ROBO1: variants seen among roughly 807,000 people sequenced by gnomAD.
ROBO1 encodes roundabout guidance receptor 1, also known as roundabout homolog 1.
A neutral mutation model predicts 195.9 loss-of-function variants in ROBO1; 149 were observed. The ratio of observed to expected loss-of-function variants is 0.76; its 90% CI spans 0.67 to 0.87. The LOEUF (loss-of-function observed/expected upper bound fraction) is 0.87, where lower values mean the gene tolerates loss of function less well. ROBO1 is among the 40% of genes least tolerant of loss of function. The probability of loss-of-function intolerance (pLI) is 0.00; values close to 1 mark genes in which losing one functional copy is unlikely to be tolerated. For synonymous variants in ROBO1, 816 were observed against 733.2 expected (o/e 1.11, Z -1.82); for missense variants, 1,933 against 2,068.3 (o/e 0.93, Z 1.27).
At chr3:78,889,996 T>C (rs897650715) in intron 4 of ROBO1, among the ~76,000 whole-genome samples, 2 of 151,996 alleles carry the variant, frequency 1.3e-5, no homozygotes, top group Admixed American at 6.6e-5. Flanking sequence ...GACCTCTCTG[T>C]CTCTATCCCA....
intron 3 of ROBO1, among the ~76,000 whole-genome samples, chr3:79,105,010 T>C (rs58321769): frequency 0.052 from 7,850 of 151,560 alleles, 670 homozygotes; most frequent in African/African-American, 0.18. Context: ...TAAAGACACA[T>C]AAAAAGTAGC....
At chr3:79,486,825 C>T (rs1001345749) in intron 2 of ROBO1, among the ~76,000 whole-genome samples, 5 of 152,164 alleles carry the variant, frequency 3.3e-5, no homozygotes, top group Non-Finnish European at 7.4e-5. Context: ...TGCCCTCTCC[C>T]TATCTGCCCA....
intron 30 of ROBO1, 82 bp downstream of exon 30, chr3:78,600,031 T>A (rs767159147): frequency 8.9e-7 from 1 of 1,127,200 alleles, no homozygotes; most frequent in South Asian, 1.3e-5. Context: ...ACAGTAACAT[T>A]TCTGTACACT....
intron 4 of ROBO1, among the ~76,000 whole-genome samples, chr3:78,885,206 G>C (rs1239633075): frequency 7.9e-5 from 12 of 151,824 alleles, no homozygotes. Context: ...GAAACTAAAT[G>C]ATGAGAATAC....
At chr3:79,669,297 T>G (rs1946564061) in intron 1 of ROBO1, among the ~76,000 whole-genome samples, 1 of 151,806 alleles carries the variant, frequency 6.6e-6, no homozygotes, top group African/African-American at 2.4e-5. Context: ...TATGCCGTGA[T>G]TGTGAGGGCT....
chr3:79,448,392 A>T (rs1575839139), intron 2 of ROBO1, among the ~76,000 whole-genome samples: 1 of 151,952 alleles, frequency 6.6e-6, no homozygotes, highest in East Asian at 1.9e-4. Context: ...TTAAATGTAA[A>T]CTCAGTCTTT....
intron 2 of ROBO1, among the ~76,000 whole-genome samples, chr3:79,127,304 T>C (rs2080234804): frequency 6.6e-6 from 1 of 152,192 alleles, no homozygotes; most frequent in South Asian, 2.1e-4. Context: ...ATCTTGCTCA[T>C]GCAAACTAAC....
At chr3:79,746,548 T>TA (rs1249163524) in intron 1 of ROBO1, among the ~76,000 whole-genome samples, 4 of 152,130 alleles carry the variant, frequency 2.6e-5, no homozygotes, top group African/African-American at 4.8e-5. Context: ...TAACAACAGT[T>TA]ATGTTAGCTC....
At chr3:79,535,199 G>A (rs550797814) in intron 2 of ROBO1, among the ~76,000 whole-genome samples, 3 of 152,170 alleles carry the variant, frequency 2.0e-5, no homozygotes, top group South Asian at 4.1e-4. Flanking sequence ...GGGATACAGC[G>A]GGAATCTAAT....
chr3:79,557,104 T>C (rs1942731018), intron 2 of ROBO1, among the ~76,000 whole-genome samples: 1 of 151,482 alleles, frequency 6.6e-6, no homozygotes, highest in Admixed American at 6.6e-5. Context: ...TTTTAGAGAA[T>C]AAAAGAAGTT....
intron 2 of ROBO1, among the ~76,000 whole-genome samples, chr3:79,336,619 C>T (rs921153359): frequency 3.3e-5 from 5 of 152,172 alleles, no homozygotes; most frequent in African/African-American, 1.2e-4. Flanking sequence ...TGAACCTCTG[C>T]TAGGGCAGTG....
At chr3:78,675,364 C>T (rs1229148492) in intron 10 of ROBO1, among the ~76,000 whole-genome samples, 2 of 152,248 alleles carry the variant, frequency 1.3e-5, no homozygotes, top group East Asian at 3.9e-4. Context: ...CAGGGCGAGG[C>T]ATTGCCTCAC....
chr3:79,260,751 A>G (rs2082924510), intron 2 of ROBO1, among the ~76,000 whole-genome samples: 1 of 152,124 alleles, frequency 6.6e-6, no homozygotes, highest in African/African-American at 2.4e-5. Context: ...AGTATTAATG[A>G]AAAGTTTTAG....
At chr3:79,374,840 A>AT (rs5850424) in intron 2 of ROBO1, among the ~76,000 whole-genome samples, 88,888 of 151,850 alleles carry the variant, frequency 0.59, 26,202 homozygotes, top group African/African-American at 0.62. Context: ...CTTGTATTCC[A>AT]TTTTTTTCTA....
chr3:79,604,909 A>C (rs1031664620), intron 1 of ROBO1, among the ~76,000 whole-genome samples: 3 of 151,976 alleles, frequency 2.0e-5, no homozygotes, highest in Non-Finnish European at 4.4e-5. Context: ...AACAGCCAAA[A>C]CTATTTGTTG....
intron 3 of ROBO1, among the ~76,000 whole-genome samples, chr3:78,983,299 T>G (rs1183440466): frequency 6.6e-6 from 1 of 152,256 alleles, no homozygotes; most frequent in Admixed American, 6.5e-5. Flanking sequence ...ACACACTCCC[T>G]TCTTTTCACC....
At chr3:78,938,516 A>G in intron 4 of ROBO1, 85 bp downstream of exon 4, 1 of 1,189,492 alleles carries the variant, frequency 8.4e-7, no homozygotes, top group African/African-American at 1.5e-5. Context: ...CTGAGATACA[A>G]ATTCGACTTT....
intron 4 of ROBO1, among the ~76,000 whole-genome samples, chr3:78,780,608 T>A (rs2083647291): frequency 6.6e-6 from 1 of 152,156 alleles, no homozygotes; most frequent in Non-Finnish European, 1.5e-5. Flanking sequence ...TTGCTCACCC[T>A]GTGGAAACTC....
intron 1 of ROBO1, among the ~76,000 whole-genome samples, chr3:79,750,521 T>C (rs1704089463): frequency 6.6e-6 from 1 of 152,130 alleles, no homozygotes; most frequent in Non-Finnish European, 1.5e-5. Context: ...GAATTGTAAC[T>C]CCCACAATTC....
Sources: allele counts gnomAD v4.1 joint callset (sites outside exome capture counted in the v4.1 genomes callset), GRCh38; gene constraint gnomAD v4.1.1; transcripts MANE v1.5; gene names NCBI Gene and HGNC (gene_info 2026-07-23, HGNC 2026-07-21).